DCHS2: variants seen among roughly 807,000 people sequenced by gnomAD.
DCHS2 encodes protocadherin-23.
A neutral mutation model predicts 182.4 loss-of-function variants in DCHS2; 142 were observed. The observed-to-expected ratio is 0.78, with a 90% CI of 0.68 to 0.89. The LOEUF is 0.89. Among genes scored for constraint, DCHS2 ranks in the 40% least tolerant of loss-of-function variants. DCHS2 has a pLI of 0.00. For missense variants in DCHS2, 4,319 were observed against 4,198.6 expected (o/e 1.03, Z -0.79); for synonymous variants, 1,740 against 1,663.3 (o/e 1.05, Z -1.12).
At chr4:154,323,392 C>A in intron 7 of DCHS2, 1 of 1,535,890 alleles carries the variant, frequency 6.5e-7, no homozygotes, top group East Asian at 2.5e-5. Flanking sequence ...CGCAATTGTG[C>A]CATGATAGCT....
At chr4:154,415,915 AT>A (rs1732815708) in intron 1 of DCHS2, among the ~76,000 whole-genome samples, 1 of 151,956 alleles carries the variant, frequency 6.6e-6, no homozygotes, top group Admixed American at 6.5e-5. Context: ...TTTTTTAAAT[AT>A]TTTTATCTTA....
At chr4:154,321,400 C>G (rs1403218159) in intron 8 of DCHS2, among the ~76,000 whole-genome samples, 178 bp from the exon 9 acceptor site, 2 of 152,098 alleles carry the variant, frequency 1.3e-5, no homozygotes, top group African/African-American at 4.8e-5. Flanking sequence ...AGATCAAAAA[C>G]TGCATAATAT....
At position 154,268,230 on chromosome 4, in the gene DCHS2, T is replaced by TC. The variant is rs1554000253; in HGVS notation, c.6577+1669dup. On this transcript the variant is annotated intron_variant, in intron 14 of 19. Coordinates refer to ENST00000357232, the MANE Select transcript of DCHS2 (RefSeq NM_001358235.2). ...AATTGAGAACTTTCACCTTTCACTT[T>TC]CCCCCCCCCAAAAAAATAACGCTTT... Among the ~76,000 whole-genome samples, 547 of 148,010 alleles carry TC rather than the reference T, an allele frequency of 3.7e-3. 7 individuals are homozygous for TC. Among genetic ancestry groups the TC allele is most frequent in the African/African-American group, 0.011 (435 of 39,958 alleles).
chr4:154,247,195 G>A (rs773580247), intron 16 of DCHS2, among the ~76,000 whole-genome samples: 4 of 152,158 alleles, frequency 2.6e-5, no homozygotes, highest in Non-Finnish European at 4.4e-5. Context: ...TCAGAATGGT[G>A]GCCAGGCGCA....
At chr4:154,449,027 G>A (rs1402395896) in intron 1 of DCHS2, among the ~76,000 whole-genome samples, 2 of 152,050 alleles carry the variant, frequency 1.3e-5, no homozygotes, top group Non-Finnish European at 2.9e-5. Flanking sequence ...ACTCATCACT[G>A]TACTCATGCC....
At chr4:154,416,287 G>T (rs1360406251) in intron 1 of DCHS2, among the ~76,000 whole-genome samples, 1 of 152,204 alleles carries the variant, frequency 6.6e-6, no homozygotes, top group African/African-American at 2.4e-5. Flanking sequence ...GAGGAGCACA[G>T]CTGCATCAGC....
chr4:154,438,296 C>G (rs1213583404), intron 1 of DCHS2, among the ~76,000 whole-genome samples: 1 of 152,206 alleles, frequency 6.6e-6, no homozygotes, highest in Non-Finnish European at 1.5e-5. Context: ...ATGTGAATCT[C>G]TAGTAGGACA....
chr4:154,444,688 G>A (rs1734193698), intron 1 of DCHS2, among the ~76,000 whole-genome samples: 1 of 152,064 alleles, frequency 6.6e-6, no homozygotes, highest in African/African-American at 2.4e-5. Context: ...TCTTCTCAAA[G>A]GATAAATCAG....
Position 154,491,218 on chromosome 4 carries a change from G to C in DCHS2, c.138C>G (p.Ser46=). The change falls in exon 1 of 20, where the codon TCC becomes TCG. Residue 46 remains serine (S), a synonymous_variant. Transcript: ENST00000357232. ...SGSSGARTQR[S]LLWLLVHVWL... is the part of the protein sequence containing the mutation. The stretch of plus-strand genomic sequence containing the variant: ...ACACGTGCACCAAGAGCCAGAGCAG[G>C]GAGCGCTGCGTCCTGGCGCCGCTGC... 6.4e-7 allele frequency: 1 copy of C among 1,551,472 alleles called. No homozygotes were observed. The highest frequency in any genetic ancestry group is 8.7e-7 in the Non-Finnish European group (1 of 1,146,966).
chr4:154,370,463 T>A (rs548726413), intron 2 of DCHS2, among the ~76,000 whole-genome samples: 1 of 152,152 alleles, frequency 6.6e-6, no homozygotes, highest in South Asian at 2.1e-4. Flanking sequence ...ATCCAGAGTA[T>A]TTTTTAAGAT....
intron 1 of DCHS2, among the ~76,000 whole-genome samples, chr4:154,433,394 C>CTTTTTTT (rs1553951910): frequency 2.0e-5 from 1 of 48,826 alleles, no homozygotes; most frequent in Non-Finnish European, 6.0e-5. Flanking sequence ...TTTTTTTTTT[C>CTTTTTTT]CTTTTTTTTT....
intron 1 of DCHS2, among the ~76,000 whole-genome samples, chr4:154,421,821 T>C (rs914892959): frequency 6.6e-5 from 10 of 152,218 alleles, no homozygotes; most frequent in African/African-American, 2.4e-4. Flanking sequence ...AAAATGGTTT[T>C]CATATGCTCT....
Position 154,491,592 on chromosome 4 carries a change from T to A in DCHS2, c.-237A>T. 7.5e-7 allele frequency: 1 copy of A among 1,341,168 alleles called. No individual in the cohort carries two copies. The highest frequency in any genetic ancestry group is 9.5e-7 in the Non-Finnish European group (1 of 1,053,350). The allele number at this position is 1,341,168 out of a possible 1,614,324, so 83.1% of individuals were successfully genotyped here. The stretch of plus-strand genomic sequence containing the variant: ...AGCTGCCTCTGCCGCGGCAGCCACC[T>A]CTTCTGCCCCTGGATTTCTTTAAAC... On this transcript the variant is annotated 5_prime_UTR_variant, in exon 1 of 20. Transcript: ENST00000357232.
intron 1 of DCHS2, among the ~76,000 whole-genome samples, chr4:154,400,915 T>C (rs762442573): frequency 6.6e-6 from 1 of 152,236 alleles, no homozygotes; most frequent in Non-Finnish European, 1.5e-5. Flanking sequence ...CCTTTTCTCA[T>C]CACTTTCATT....
At chr4:154,323,973 T>G (rs1229834963) in intron 7 of DCHS2, among the ~76,000 whole-genome samples, 1 of 152,160 alleles carries the variant, frequency 6.6e-6, no homozygotes, top group African/African-American at 2.4e-5. Context: ...CCCTTTTTCA[T>G]GTATTAGCTG....
chr4:154,436,563 T>A (rs572432315), intron 1 of DCHS2, among the ~76,000 whole-genome samples: 161 of 152,314 alleles, frequency 1.1e-3, no homozygotes, highest in South Asian at 2.5e-3. Context: ...TATTTAAAAA[T>A]CCTTTATCCA....
At chr4:154,473,941 C>T (rs1381049619) in intron 1 of DCHS2, among the ~76,000 whole-genome samples, 1 of 152,186 alleles carries the variant, frequency 6.6e-6, no homozygotes, top group African/African-American at 2.4e-5. Context: ...CTTGAGACAA[C>T]AGAAATTCAT....
At chr4:154,323,090 A>T in intron 7 of DCHS2, 1 of 1,157,348 alleles carries the variant, frequency 8.6e-7, no homozygotes, top group Non-Finnish European at 1.2e-6. Flanking sequence ...TTGTCCTTGC[A>T]ATTTATTTGT....
chr4:154,360,535 G>A (rs1730072256), intron 3 of DCHS2, among the ~76,000 whole-genome samples: 1 of 152,068 alleles, frequency 6.6e-6, no homozygotes, highest in Non-Finnish European at 1.5e-5. Flanking sequence ...GGCAGGAACA[G>A]GCTCACATCC....
Sources: allele counts gnomAD v4.1 joint callset (sites outside exome capture counted in the v4.1 genomes callset), GRCh38; gene constraint gnomAD v4.1.1; transcripts MANE v1.5; gene names NCBI Gene and HGNC (gene_info 2026-07-23, HGNC 2026-07-21).